Variants in FCHO1 observed in about 807,000 individuals in gnomAD.
The protein encoded by FCHO1 is FCH and mu domain containing endocytic adaptor 1.
In FCHO1, 45 loss-of-function variants were observed where a neutral mutation model predicts 114.4. The ratio of observed to expected loss-of-function variants is 0.39; its 90% CI spans 0.31 to 0.50. FCHO1 has a LOEUF of 0.50. FCHO1 is among the 20% of genes least tolerant of loss of function. The pLI is 0.77. For missense variants in FCHO1, 1,042 were observed against 1,209.6 expected, an observed-to-expected ratio of 0.86 and a Z score of 2.06; for synonymous variants, 480 against 488.9, an observed-to-expected ratio of 0.98 and a Z score of 0.24.
chr19:17,788,334 A>C lies in FCHO1; in HGVS notation c.*28A>C. 6.3e-7 allele frequency: 1 copy of C among 1,591,456 alleles called. No homozygotes were observed. The highest frequency in any genetic ancestry group is 8.5e-7 in the Non-Finnish European group (1 of 1,171,518). On this transcript the variant is annotated 3_prime_UTR_variant, in exon 29 of 29. Transcript: ENST00000596536. ...CCGCAAATGCTGCTGCCCCAGCTCT[A>C]CACTGCGCCCTGGTGCTGGCTGACC...
Position 17,787,061 on chromosome 19 carries a change from T to TA in FCHO1, c.2482+437dup, listed in dbSNP as rs535961416. On this transcript the variant is annotated intron_variant, in intron 27 of 28. Transcript: ENST00000596536. ...CAGCATGGTGAAACCCTGTCTCTAC[T>TA]AAAAATATAAAAATTAGCCGCGTGT... is the stretch of plus-strand genomic sequence containing the variant. Among the ~76,000 whole-genome samples, 17 of 150,948 alleles carry TA rather than the reference T, an allele frequency of 1.1e-4. No individual in the cohort carries two copies. The South Asian group carries it at 1.5e-3, about 13-fold the overall frequency.
chr19:17,776,648 G>A lies in FCHO1; in HGVS notation c.1221G>A (p.Gly407=). The stretch of plus-strand genomic sequence containing the variant: ...CATCTCTTGTAGGGGACGCTGCTGG[G>A]AAACCCCAGAGACCTCGGTCTGCCC... The part of the protein sequence containing the change: ...MKRHSSRDAA[G]KPQRPRSAPR... The change falls in exon 18 of 29, where the codon GGG becomes GGA. Residue 407 remains glycine (G), a synonymous_variant. Coordinates refer to ENST00000596536, the MANE Select transcript of FCHO1 (RefSeq NM_015122.3). This position sits in a 1 kb window ranked among gnomAD's most constrained non-coding sequence, Gnocchi z 4.4. 6.2e-7 allele frequency: 1 copy of A among 1,613,894 alleles called. No homozygotes were observed. Among genetic ancestry groups the A allele is most frequent in the Non-Finnish European group, 8.5e-7 (1 of 1,179,964 alleles).
intron 19 of FCHO1, 71 bp from the exon 20 acceptor site, chr19:17,778,538 G>A: frequency 6.9e-7 from 1 of 1,449,986 alleles, no homozygotes. Flanking sequence ...CGTGGCCGTG[G>A]CCTGCAGGAG....
At chr19:17,788,245 T>G in intron 28 of FCHO1, 39 bp from the exon 29 acceptor site, 8 of 474,964 alleles carry the variant, frequency 1.7e-5, no homozygotes, top group African/African-American at 3.0e-5. Flanking sequence ...CCCGTACCCC[T>G]CCTCCCCACC....
chr19:17,781,894 G>A, intron 23 of FCHO1, 74 bp downstream of exon 23: 1 of 986,902 alleles, frequency 1.0e-6, no homozygotes, highest in Non-Finnish European at 1.5e-6. Flanking sequence ...GCTTTCAGAT[G>A]TGCTTCATGG....
chr19:17,786,138 A>G (rs535791227), intron 26 of FCHO1, among the ~76,000 whole-genome samples: 6 of 152,212 alleles, frequency 3.9e-5, no homozygotes, highest in African/African-American at 1.4e-4. Flanking sequence ...GTTTGAGACC[A>G]GCCTGGCCAA....
At chr19:17,763,018 C>A (rs2086987771) in intron 5 of FCHO1, among the ~76,000 whole-genome samples, 165 bp downstream of exon 5, 1 of 152,136 alleles carries the variant, frequency 6.6e-6, no homozygotes, top group East Asian at 1.9e-4. Flanking sequence ...CCGGTCAGGC[C>A]CATATCTCCT....
At chr19:17,761,649 T>C (rs915998133) in intron 4 of FCHO1, among the ~76,000 whole-genome samples, 5 of 149,756 alleles carry the variant, frequency 3.3e-5, no homozygotes, top group African/African-American at 1.2e-4. Flanking sequence ...TATATATATA[T>C]ATATACACAC....
At chr19:17,787,925 T>C in intron 28 of FCHO1, 79 bp downstream of exon 28, 2 of 1,471,578 alleles carry the variant, frequency 1.4e-6, no homozygotes, top group Non-Finnish European at 1.8e-6. Flanking sequence ...GGGGAGGGAT[T>C]GGGGTGTGGG....
In FCHO1 at chr19:17,777,551, A is replaced by AG. The variant is rs367744578; in HGVS notation, c.1260-586_1260-585insG. ...ACTCCGTCTCAAAAAAAAAAAAAAA[A>AG]AAAAAAAAAAAGCAAATAAGTTAGA... On this transcript the variant is annotated intron_variant, in intron 18 of 28. Transcript: ENST00000596536. 2.5e-3 allele frequency among the ~76,000 whole-genome samples: 342 copies of AG among 139,530 alleles called. 6 individuals carry two copies. Among genetic ancestry groups the AG allele is most frequent in the African/African-American group, 4.8e-3 (185 of 38,276 alleles). 91.5% of individuals were successfully genotyped at this position (139,530 alleles called of 152,430 possible). A position where few individuals can be genotyped will look rare whatever the true frequency, so the allele number is the denominator to read the frequency against.
intron 6 of FCHO1, among the ~76,000 whole-genome samples, chr19:17,764,790 G>T (rs575009733): frequency 7.9e-5 from 12 of 150,998 alleles, no homozygotes; most frequent in African/African-American, 2.9e-4. Flanking sequence ...AGGGGGCCAG[G>T]TGCGGTGGCT....
chr19:17,783,737 T>C (rs2093634942), intron 24 of FCHO1, among the ~76,000 whole-genome samples: 1 of 152,010 alleles, frequency 6.6e-6, no homozygotes, highest in South Asian at 2.1e-4. Context: ...TGTGCCACCA[T>C]GCCTGGCTGA....
Position 17,786,593 on chromosome 19 carries a change from C to T in FCHO1, c.2446C>T (p.Leu816Phe), listed in dbSNP as rs990108545. The change falls in exon 27 of 29, where the codon CTC becomes TTC. Residue 816 changes from leucine to phenylalanine, a missense_variant. Leu to Phe is a conservative substitution (Grantham distance 22, BLOSUM62 0). This residue lies in a region of FCHO1 where 137 missense variants were observed against 190.0 expected (regional missense o/e 0.72). Coordinates refer to ENST00000596536, the MANE Select transcript of FCHO1 (RefSeq NM_015122.3). ...AATWNLEEKR[L>F]TWRLPDVSEA... is the part of the protein sequence containing the mutation. ...TGCCAGGAACCTGGAGGAGAAGCGG[C>T]TCACTTGGAGGCTTCCAGATGTGTC... 6.3e-7 allele frequency: 1 copy of T among 1,585,194 alleles called. No individual in the cohort carries two copies. The highest frequency in any genetic ancestry group is 1.1e-5 in the South Asian group (1 of 90,614).
rs146361786 is a variant in FCHO1 at position 17,779,964 on chromosome 19, G to A, written c.1627+1080G>A. 2.4e-3 allele frequency among the ~76,000 whole-genome samples: 362 copies of A among 151,882 alleles called. 1 individual carries two copies. The highest frequency in any genetic ancestry group is 7.8e-3 in the African/African-American group (321 of 41,418). On this transcript the variant is annotated intron_variant, in intron 20 of 28. Transcript: ENST00000596536. ...GGACAGCAGGAGATGGGGGGAGAGC[G>A]GCGGGATGGGCTCCTGGGGGCTGTC...
rs561419307 is a variant in FCHO1, at chr19:17,788,276, C to A, written c.2648-8C>A. 5.0e-6 allele frequency: 8 copies of A among 1,597,414 alleles called. No individual in the cohort carries two copies. In the South Asian group the frequency reaches 7.8e-5, roughly 15 times the overall value. The stretch of plus-strand genomic sequence containing the variant: ...CCACCCCTCCCCCTCACAGCTGCAC[C>A]CCCACAGGGATGTACCTGGTGAGCT... On this transcript the variant is annotated splice_polypyrimidine_tract_variant and splice_region_variant and intron_variant, in intron 28 of 28. Coordinates refer to ENST00000596536, the MANE Select transcript of FCHO1 (RefSeq NM_015122.3).
At chr19:17,786,919 AAAAC>A (rs1212378888) in intron 27 of FCHO1, among the ~76,000 whole-genome samples, 8 of 151,652 alleles carry the variant, frequency 5.3e-5, no homozygotes, top group South Asian at 2.1e-4. Context: ...CTCTGACTCA[AAAAC>A]AAACAAACAA....
rs533302044 is a variant in FCHO1, at chr19:17,780,108, G to C, written c.1628-1123G>C. On this transcript the variant is annotated intron_variant, in intron 20 of 28. Transcript: ENST00000596536. ...ATAGGAAAGGGCCAGGCTGGAGCCCGTTCAAGGGAGAGCTGAGTGGGTGGA... is the reference window on the plus strand; with the variant it reads ...ATAGGAAAGGGCCAGGCTGGAGCCCCTTCAAGGGAGAGCTGAGTGGGTGGA... Among the ~76,000 whole-genome samples, 2 of 150,290 alleles carry C rather than the reference G, an allele frequency of 1.3e-5. 1 individual carries two copies. Among genetic ancestry groups the C allele is most frequent in the South Asian group, 4.2e-4 (2 of 4,726 alleles).
intron 4 of FCHO1, among the ~76,000 whole-genome samples, chr19:17,760,087 T>C (rs988761879): frequency 1.3e-4 from 19 of 151,980 alleles, no homozygotes; most frequent in Non-Finnish European, 2.1e-4. Flanking sequence ...AGTCTTGCTA[T>C]GTCACCCAGG....
Position 17,778,642 on chromosome 19 carries a change from C to A in FCHO1, c.1385C>A (p.Ser462Tyr). The change falls in exon 20 of 29, where the codon TCC becomes TAC. Residue 462 changes from serine to tyrosine, a missense_variant. Around this residue, in one of 3 missense-constraint regions of FCHO1, gnomAD observed 455 missense variants for 455.4 expected, o/e 1.00. Coordinates refer to ENST00000596536, the MANE Select transcript of FCHO1 (RefSeq NM_015122.3). ...SSSLGFTSSP[S>Y]PFSSSSPENV... is the part of the protein sequence containing the mutation. ...AGCCTGGGCTTCACCTCCAGCCCCT[C>A]CCCTTTCTCCTCCTCGTCGCCCGAA... 1 of 1,577,708 alleles carries A rather than the reference C, an allele frequency of 6.3e-7. No individual in the cohort carries two copies. Among genetic ancestry groups the A allele is most frequent in the Non-Finnish European group, 8.6e-7 (1 of 1,165,094 alleles).
Sources: allele counts gnomAD v4.1 joint callset (sites outside exome capture counted in the v4.1 genomes callset), GRCh38; gene constraint gnomAD v4.1.1; regional missense constraint gnomAD v4.1.1; non-coding constraint Gnocchi (gnomAD v3.1); transcripts MANE v1.5; gene names NCBI Gene and HGNC (gene_info 2026-07-23, HGNC 2026-07-21).